Variants in CAMK2D observed in about 807,000 individuals in gnomAD.
CAMK2D encodes the protein calcium/calmodulin dependent protein kinase II delta.
In CAMK2D, 37 loss-of-function variants were observed where a neutral mutation model predicts 84.0. The observed-to-expected ratio is 0.44, with a 90% CI of 0.34 to 0.58. The LOEUF is 0.58. Among genes scored for constraint, CAMK2D ranks in the 20% least tolerant of loss-of-function variants. The probability of loss-of-function intolerance (pLI) is 0.02; values close to 1 mark genes in which losing one functional copy is unlikely to be tolerated. For missense variants in CAMK2D, 448 were observed against 652.5 expected (o/e 0.69, Z 3.41); for synonymous variants, 202 against 212.5 (o/e 0.95, Z 0.43).
chr4:113,516,140 G>GTTTTAAAA (rs1237421578), intron 9 of CAMK2D, among the ~76,000 whole-genome samples: 6 of 152,100 alleles, frequency 3.9e-5, no homozygotes, highest in African/African-American at 1.4e-4. Context: ...ATTTTTAGTA[G>GTTTTAAAA]TTTTAAAATG....
At position 113,745,164 on chromosome 4, in the gene CAMK2D, T is replaced by G. The variant is rs557772064; in HGVS notation, c.160+14156A>C. 2.6e-5 allele frequency among the ~76,000 whole-genome samples: 4 copies of G among 152,322 alleles called. No homozygotes were observed. In the South Asian group the frequency reaches 8.3e-4, roughly 32 times the overall value. ...GTCTCTGGTATACTTAAGAGCAAAT[T>G]TGCAATTTGGTAAACTACCTTTACG... On this transcript the variant is annotated intron_variant, in intron 2 of 20. Transcript: ENST00000511664.
intron 2 of CAMK2D, among the ~76,000 whole-genome samples, chr4:113,750,749 G>A (rs745972104): frequency 1.1e-4 from 17 of 152,172 alleles, no homozygotes; most frequent in Non-Finnish European, 2.2e-4. Flanking sequence ...AGTAGCTCAC[G>A]CCTGTAATCC....
At chr4:113,760,033 C>G (rs1480331398) in intron 1 of CAMK2D, among the ~76,000 whole-genome samples, 1 of 152,064 alleles carries the variant, frequency 6.6e-6, no homozygotes, top group Non-Finnish European at 1.5e-5. Context: ...AAATATTTAC[C>G]TTTCCTTTAA....
intron 3 of CAMK2D, among the ~76,000 whole-genome samples, chr4:113,643,078 T>C (rs563918524): frequency 2.0e-5 from 3 of 152,204 alleles, no homozygotes; most frequent in Non-Finnish European, 4.4e-5. Context: ...ACTATCTGTG[T>C]CCTATAAATC....
intron 5 of CAMK2D, chr4:113,548,668 TG>T (rs757170930): frequency 6.5e-7 from 1 of 1,546,410 alleles, no homozygotes; most frequent in Admixed American, 1.7e-5. Context: ...TTCAGGTCCC[TG>T]TGAACTATGC....
intron 3 of CAMK2D, among the ~76,000 whole-genome samples, chr4:113,633,653 A>T (rs1021061801): frequency 6.6e-6 from 1 of 152,192 alleles, no homozygotes; most frequent in Non-Finnish European, 1.5e-5. Flanking sequence ...AGGCCTCCAT[A>T]GCTGTCACTG....
At chr4:113,526,612 TCA>T (rs1038916973) in intron 8 of CAMK2D, among the ~76,000 whole-genome samples, 8 of 151,918 alleles carry the variant, frequency 5.3e-5, no homozygotes, top group African/African-American at 1.9e-4. Flanking sequence ...CTCTCACATT[TCA>T]CAGATATGAA....
chr4:113,492,030 C>CT (rs1230970474), intron 16 of CAMK2D, among the ~76,000 whole-genome samples: 1 of 152,058 alleles, frequency 6.6e-6, no homozygotes, highest in African/African-American at 2.4e-5. Context: ...ATTCTTCTCT[C>CT]TTTTTTTCTT....
In CAMK2D at chr4:113,526,421, T is replaced by TGG. The variant is rs1489138859; in HGVS notation, c.601+4794_601+4795insCC. Among the ~76,000 whole-genome samples, 10 of 151,482 alleles carry TGG rather than the reference T, an allele frequency of 6.6e-5. No individual in the cohort carries two copies. In the East Asian group the frequency reaches 2.0e-3, roughly 30 times the overall value. On this transcript the variant is annotated intron_variant, in intron 8 of 20. Coordinates refer to ENST00000511664, the MANE Select transcript of CAMK2D (RefSeq NM_001321571.2). ...TCTAAGGAGTCATTCTTGATGTGTG[T>TGG]GTGTGTGTGTGTGTGTGTGTGTGCA...
chr4:113,454,761 TAA>T (rs898636529), intron 20 of CAMK2D, among the ~76,000 whole-genome samples: 2 of 152,166 alleles, frequency 1.3e-5, no homozygotes, highest in African/African-American at 2.4e-5. Context: ...AAGCTAAAAA[TAA>T]AGAGACAGAG....
At chr4:113,632,489 C>T (rs2099093803) in intron 3 of CAMK2D, among the ~76,000 whole-genome samples, 2 of 152,056 alleles carry the variant, frequency 1.3e-5, no homozygotes, top group South Asian at 4.2e-4. Flanking sequence ...TCCCAAAGTG[C>T]TTGGATTACA....
intron 2 of CAMK2D, among the ~76,000 whole-genome samples, chr4:113,755,899 T>C (rs2099627468): frequency 6.6e-6 from 1 of 151,970 alleles, no homozygotes; most frequent in Non-Finnish European, 1.5e-5. Flanking sequence ...TTACTAAGCA[T>C]GCCCTCAATG....
chr4:113,683,119 T>G (rs2099350391), intron 2 of CAMK2D, among the ~76,000 whole-genome samples: 1 of 152,220 alleles, frequency 6.6e-6, no homozygotes, highest in African/African-American at 2.4e-5. Flanking sequence ...AGCAAAATAT[T>G]TTAAACACAA....
chr4:113,722,459 C>CA (rs2099533509), intron 2 of CAMK2D, among the ~76,000 whole-genome samples: 1 of 152,078 alleles, frequency 6.6e-6, no homozygotes, highest in African/African-American at 2.4e-5. Flanking sequence ...AGAAATAAAA[C>CA]AATGGAGTAG....
chr4:113,479,330 C>A (rs1305521882), intron 16 of CAMK2D, among the ~76,000 whole-genome samples: 1 of 152,050 alleles, frequency 6.6e-6, no homozygotes, highest in Admixed American at 6.6e-5. Flanking sequence ...AAGACACAGG[C>A]AAAATTGAGC....
At chr4:113,692,717 T>C (rs1458946880) in intron 2 of CAMK2D, among the ~76,000 whole-genome samples, 3 of 151,994 alleles carry the variant, frequency 2.0e-5, no homozygotes, top group Admixed American at 2.0e-4. Context: ...TATTCATATA[T>C]ACATACATAT....
At chr4:113,683,090 A>G (rs1205935518) in intron 2 of CAMK2D, among the ~76,000 whole-genome samples, 3 of 152,246 alleles carry the variant, frequency 2.0e-5, no homozygotes, top group East Asian at 3.8e-4. Context: ...TAAAGTGAAG[A>G]GTGAATAAAA....
chr4:113,687,570 T>C (rs1160631311), intron 2 of CAMK2D, among the ~76,000 whole-genome samples: 1 of 152,174 alleles, frequency 6.6e-6, no homozygotes, highest in Non-Finnish European at 1.5e-5. Flanking sequence ...CAAAGGGTAG[T>C]AATATAGTTT....
At chr4:113,622,821 G>T (rs752558106) in intron 3 of CAMK2D, among the ~76,000 whole-genome samples, 2 of 152,160 alleles carry the variant, frequency 1.3e-5, no homozygotes, top group Admixed American at 1.3e-4. Context: ...AAGAACACAT[G>T]TCCATTGAAT....
Sources: gnomAD v4.1 joint callset for allele counts (sites outside exome capture counted in the v4.1 genomes callset) on GRCh38, gnomAD v4.1.1 for gene constraint, MANE v1.5 for transcripts, NCBI Gene and HGNC (gene_info 2026-07-23, HGNC 2026-07-21) for gene names.